The following XPR1 variants were observed in gnomAD, a reference collection of about 807,000 sequenced individuals.
The protein encoded by XPR1 is solute carrier family 53 member 1.
A neutral mutation model predicts 87.5 loss-of-function variants in XPR1; 28 were observed. The observed-to-expected ratio is 0.32, with a 90% CI of 0.24 to 0.44. The LOEUF (loss-of-function observed/expected upper bound fraction) is 0.44. Ranked by LOEUF, XPR1 falls within the 20% of genes least tolerant of loss-of-function variation. XPR1 has a pLI of 1.00. For synonymous variants in XPR1, 300 were observed against 306.1 expected (o/e 0.98, Z 0.21); for missense variants, 559 against 862.3 (o/e 0.65, Z 4.41).
intron 3 of XPR1, among the ~76,000 whole-genome samples, chr1:180,799,851 G>A (rs544939370): frequency 2.6e-5 from 4 of 152,180 alleles, no homozygotes; most frequent in Non-Finnish European, 5.9e-5. Flanking sequence ...TACCATATCC[G>A]GAATAGCAGC....
chr1:180,664,612 G>A (rs1655897169), intron 1 of XPR1, among the ~76,000 whole-genome samples: 1 of 152,190 alleles, frequency 6.6e-6, no homozygotes, highest in Non-Finnish European at 1.5e-5. Context: ...GGCACTGGGA[G>A]ACAGATGACA....
intron 3 of XPR1, among the ~76,000 whole-genome samples, chr1:180,792,604 A>T (rs1649427768): frequency 6.6e-6 from 1 of 152,164 alleles, no homozygotes; most frequent in Non-Finnish European, 1.5e-5. Context: ...ATTTATTTAG[A>T]TTTATAGATA....
chr1:180,658,130 C>T (rs1338948041), intron 1 of XPR1, among the ~76,000 whole-genome samples: 2 of 152,046 alleles, frequency 1.3e-5, no homozygotes, highest in African/African-American at 2.4e-5. Context: ...TTTTGCATGT[C>T]GATTTTGTAT....
chr1:180,879,866 A>G (rs1300121712), intron 13 of XPR1, among the ~76,000 whole-genome samples: 3 of 152,072 alleles, frequency 2.0e-5, no homozygotes, highest in Non-Finnish European at 4.4e-5. Context: ...TGCATTGCAT[A>G]AGTCCCTCCC....
intron 2 of XPR1, among the ~76,000 whole-genome samples, chr1:180,757,869 TAAAAAAAA>T (rs35162664): frequency 2.2e-4 from 9 of 40,068 alleles, no homozygotes; most frequent in South Asian, 3.5e-3. Flanking sequence ...GTTGAAAATG[TAAAAAAAA>T]AAAAAAAAAA....
chr1:180,736,181 A>C (rs1312334333), intron 2 of XPR1, among the ~76,000 whole-genome samples: 2 of 152,158 alleles, frequency 1.3e-5, no homozygotes, highest in Non-Finnish European at 2.9e-5. Flanking sequence ...CTGATACTTG[A>C]AGGTTGAATT....
intron 1 of XPR1, among the ~76,000 whole-genome samples, chr1:180,656,365 A>AT (rs1557941114): frequency 3.7e-5 from 4 of 108,572 alleles, no homozygotes; most frequent in African/African-American, 1.3e-4. Context: ...TTATATATAT[A>AT]ATATTTATAT....
chr1:180,723,513 T>C (rs1025023569), intron 2 of XPR1, among the ~76,000 whole-genome samples: 1 of 152,196 alleles, frequency 6.6e-6, no homozygotes, highest in Non-Finnish European at 1.5e-5. Flanking sequence ...TTCTTCCTTA[T>C]AGCAGGAACT....
intron 11 of XPR1, among the ~76,000 whole-genome samples, chr1:180,847,030 T>A (rs919129866): frequency 2.0e-5 from 3 of 152,166 alleles, no homozygotes; most frequent in African/African-American, 7.2e-5. Context: ...CATCTTTCTT[T>A]TAAAGGTAGA....
At chr1:180,693,265 C>CT (rs1265490059) in intron 2 of XPR1, among the ~76,000 whole-genome samples, 1 of 152,054 alleles carries the variant, frequency 6.6e-6, no homozygotes, top group Admixed American at 6.6e-5. Flanking sequence ...TTTTCATTTT[C>CT]TTTAGGCAAG....
chr1:180,794,706 T>G (rs972446629), intron 3 of XPR1, among the ~76,000 whole-genome samples: 2 of 152,118 alleles, frequency 1.3e-5, no homozygotes, highest in Admixed American at 1.3e-4. Context: ...GGAGGTTGTT[T>G]GGGGATGGCT....
chr1:180,736,162 A>C (rs1304032250), intron 2 of XPR1, among the ~76,000 whole-genome samples: 1 of 152,232 alleles, frequency 6.6e-6, no homozygotes, highest in Non-Finnish European at 1.5e-5. Flanking sequence ...TACGACATTA[A>C]TGTTTTAGCT....
rs201278750 is a variant in XPR1 at position 180,813,046 on chromosome 1, C to CT, written c.763+1558_763+1559insT. Among the ~76,000 whole-genome samples the CT allele has an allele frequency of 2.2e-3, 322 of 145,914 alleles. 3 individuals carry two copies. Among genetic ancestry groups the CT allele is most frequent in the Admixed American group, 2.8e-3 (41 of 14,494 alleles). On this transcript the variant is annotated intron_variant, in intron 7 of 14. Coordinates refer to ENST00000367590, the MANE Select transcript of XPR1 (RefSeq NM_004736.4). ...TAGCTACTAGTGTCTTTTTTCCCCC[C>CT]CCCCAATGGAAGTTAGATCATGTCA...
chr1:180,640,197 G>GAAATT (rs1269457425), intron 1 of XPR1, among the ~76,000 whole-genome samples: 1 of 152,192 alleles, frequency 6.6e-6, no homozygotes, highest in Non-Finnish European at 1.5e-5. Context: ...ACCAGAATTT[G>GAAATT]AAATTAAATC....
chr1:180,668,350 A>G (rs1656038766), intron 1 of XPR1, among the ~76,000 whole-genome samples: 1 of 151,920 alleles, frequency 6.6e-6, no homozygotes, highest in East Asian at 1.9e-4. Flanking sequence ...GCTGGTCTTG[A>G]ACTCCTGACC....
chr1:180,880,783 G>A (rs1408305667), intron 14 of XPR1, among the ~76,000 whole-genome samples: 1 of 152,132 alleles, frequency 6.6e-6, no homozygotes, highest in Non-Finnish European at 1.5e-5. Context: ...CTCACAGAAA[G>A]AGCCTACTAA....
chr1:180,710,687 C>A (rs563376022), intron 2 of XPR1, among the ~76,000 whole-genome samples: 1 of 152,370 alleles, frequency 6.6e-6, no homozygotes, highest in African/African-American at 2.4e-5. Context: ...CCATTGTCAT[C>A]ATGGCCTGCT....
At chr1:180,655,775 C>G (rs1162738825) in intron 1 of XPR1, among the ~76,000 whole-genome samples, 1 of 151,348 alleles carries the variant, frequency 6.6e-6, no homozygotes, top group Non-Finnish European at 1.5e-5. Context: ...AAAAAATTGC[C>G]CAATTTTTAT....
At chr1:180,843,571 C>A (rs1651584625) in intron 11 of XPR1, among the ~76,000 whole-genome samples, 1 of 151,926 alleles carries the variant, frequency 6.6e-6, no homozygotes, top group East Asian at 1.9e-4. Context: ...TGGTTTTTAT[C>A]TACTTGGCAT....
Sources: gnomAD v4.1 joint callset for allele counts (sites outside exome capture counted in the v4.1 genomes callset) on GRCh38, gnomAD v4.1.1 for gene constraint, MANE v1.5 for transcripts, NCBI Gene and HGNC (gene_info 2026-07-23, HGNC 2026-07-21) for gene names.